USP3: variants seen among roughly 807,000 people sequenced by gnomAD.
USP3 encodes the protein ubiquitin specific peptidase 3.
In USP3, 20 loss-of-function variants were observed where a neutral mutation model predicts 72.3. That is an observed-to-expected ratio of 0.28 (90% CI 0.19 to 0.40). The LOEUF (loss-of-function observed/expected upper bound fraction) is 0.40. Among genes scored for constraint, USP3 ranks in the 10% least tolerant of loss-of-function variants. The pLI, the probability that USP3 is intolerant of heterozygous loss-of-function variation, is 1.00. For synonymous variants in USP3, 222 were observed against 225.3 expected, an observed-to-expected ratio of 0.99 and a Z score of 0.13; for missense variants, 479 against 633.9, an observed-to-expected ratio of 0.76 and a Z score of 2.62.
Position 63,512,606 on chromosome 15 carries a change from G to A in USP3, c.91+7776G>A, listed in dbSNP as rs566564124. Among the ~76,000 whole-genome samples, 102 of 151,960 alleles carry A rather than the reference G, an allele frequency of 6.7e-4. 1 individual carries two copies. The highest frequency in any genetic ancestry group is 2.4e-3 in the African/African-American group (99 of 41,422). ...ATTACAGGCAGCCACCACCATGCCT[G>A]GCTAATTTTTGTGTTTTTAGTAGAG... On this transcript the variant is annotated intron_variant, in intron 1 of 14. Coordinates refer to ENST00000380324, the MANE Select transcript of USP3 (RefSeq NM_006537.4).
chr15:63,532,654 G>C lies in USP3; in HGVS notation c.99G>C (p.Arg33=), dbSNP rs148908419. The C allele has an allele frequency of 6.8e-6, 11 of 1,613,804 alleles. No homozygotes were observed. The highest frequency in any genetic ancestry group is 8.5e-6 in the Non-Finnish European group (10 of 1,179,918). ...SPSSWCCSVC[R]SNKSPWVCLT... is the part of the protein sequence containing the mutation. ...TATTTTTCTTTTTATTAGTGTGCCGGTCCAACAAAAGCCCTTGGGTCTGTT... is the reference window on the plus strand; with the variant it reads ...TATTTTTCTTTTTATTAGTGTGCCGCTCCAACAAAAGCCCTTGGGTCTGTT... The change falls in exon 2 of 15, where the codon CGG becomes CGC. Residue 33 remains arginine (R), a synonymous_variant. Transcript: ENST00000380324.
chr15:63,547,801 GCATA>G (rs1172741692), intron 3 of USP3, among the ~76,000 whole-genome samples: 8 of 17,876 alleles, frequency 4.5e-4, no homozygotes, highest in Admixed American at 1.9e-3. Context: ...AGAGAGAGAG[GCATA>G]GAGAGAGGCA....
intron 2 of USP3, among the ~76,000 whole-genome samples, chr15:63,534,695 C>T (rs941703830): frequency 1.8e-4 from 27 of 152,170 alleles, no homozygotes; most frequent in Middle Eastern, 3.4e-3. Context: ...ATTTAAACAT[C>T]TAGTACATTT....
intron 1 of USP3, among the ~76,000 whole-genome samples, chr15:63,509,535 G>C (rs2065755830): frequency 6.6e-6 from 1 of 152,170 alleles, no homozygotes; most frequent in African/African-American, 2.4e-5. Context: ...GGACAATTTA[G>C]TTGTAAATGT....
chr15:63,530,837 C>T (rs1216377533), intron 1 of USP3, among the ~76,000 whole-genome samples: 1 of 152,142 alleles, frequency 6.6e-6, no homozygotes, highest in Non-Finnish European at 1.5e-5. Flanking sequence ...TAGGGGAGTA[C>T]AAATAAAAAG....
At chr15:63,510,711 C>T (rs1390218274) in intron 1 of USP3, among the ~76,000 whole-genome samples, 1 of 152,024 alleles carries the variant, frequency 6.6e-6, no homozygotes, top group Non-Finnish European at 1.5e-5. Flanking sequence ...ATTAAGCTTA[C>T]CTTGATTGAC....
chr15:63,533,298 A>G (rs1351996919), intron 2 of USP3, among the ~76,000 whole-genome samples: 1 of 152,148 alleles, frequency 6.6e-6, no homozygotes, highest in East Asian at 1.9e-4. Flanking sequence ...AAGATATACC[A>G]AATGTTTCAT....
intron 2 of USP3, chr15:63,533,752 A>G: frequency 1.2e-6 from 1 of 816,920 alleles, no homozygotes. Flanking sequence ...ACCTTTGGAA[A>G]ATGTTAACTG....
At chr15:63,536,842 A>C (rs1415875896) in intron 2 of USP3, among the ~76,000 whole-genome samples, 183 bp from the exon 3 acceptor site, 1 of 152,088 alleles carries the variant, frequency 6.6e-6, no homozygotes, top group African/African-American at 2.4e-5. Context: ...CAACAGAGCG[A>C]GACTCCGTCT....
At chr15:63,522,877 G>T (rs1233122318) in intron 1 of USP3, among the ~76,000 whole-genome samples, 1 of 152,202 alleles carries the variant, frequency 6.6e-6, no homozygotes, top group Admixed American at 6.5e-5. Flanking sequence ...TGGTTGATGA[G>T]ATTAGTGAAC....
intron 1 of USP3, among the ~76,000 whole-genome samples, chr15:63,514,424 T>C (rs919301356): frequency 2.0e-5 from 3 of 152,224 alleles, no homozygotes; most frequent in South Asian, 2.1e-4. Context: ...TTCTGAAATA[T>C]TGATTATCTA....
rs529704767 is a variant in USP3, at chr15:63,588,696, C to G, written c.1216-6C>G. On this transcript the variant is annotated splice_polypyrimidine_tract_variant and splice_region_variant and intron_variant, in intron 12 of 14. Coordinates refer to ENST00000380324, the MANE Select transcript of USP3 (RefSeq NM_006537.4). The surrounding 1 kb of genome is among the most constrained non-coding windows in gnomAD (Gnocchi z 4.6). The stretch of plus-strand genomic sequence containing the variant: ...CACAATCTTTGACCGCATCTCTGTC[C>G]TCCAGGTGCTATGCTTACATTTGAA... 6.2e-7 allele frequency: 1 copy of G among 1,601,592 alleles called. No individual in the cohort carries two copies. The highest frequency in any genetic ancestry group is 1.7e-5 in the Admixed American group (1 of 59,700).
At chr15:63,571,011 T>G (rs548599183) in intron 9 of USP3, among the ~76,000 whole-genome samples, 2 of 152,190 alleles carry the variant, frequency 1.3e-5, no homozygotes, top group Non-Finnish European at 2.9e-5. Flanking sequence ...TTCCTAAAGT[T>G]TATCTGTTCT....
Position 63,553,665 on chromosome 15 carries a change from T to C in USP3, c.285-50T>C. 6.4e-6 allele frequency: 10 copies of C among 1,556,008 alleles called. No individual in the cohort carries two copies. The highest frequency in any genetic ancestry group is 8.8e-6 in the Non-Finnish European group (10 of 1,142,484). ...CCAGACCTTTTAGTGATTTCATTAC[T>C]GTGGTTTCCTCAAGCTCTTTACACA... On this transcript the variant is annotated intron_variant, in intron 3 of 14. Transcript: ENST00000380324. This position sits in a 1 kb window ranked among gnomAD's most constrained non-coding sequence, Gnocchi z 4.2.
intron 1 of USP3, among the ~76,000 whole-genome samples, chr15:63,505,458 G>C (rs1061848): frequency 6.6e-6 from 1 of 152,232 alleles, no homozygotes; most frequent in Non-Finnish European, 1.5e-5. Flanking sequence ...GGTGAAGTTT[G>C]AAAACAGGCT....
chr15:63,533,000 A>G (rs2066100371), intron 2 of USP3, among the ~76,000 whole-genome samples: 1 of 152,208 alleles, frequency 6.6e-6, no homozygotes, highest in Non-Finnish European at 1.5e-5. Context: ...CTTGAAGTAC[A>G]AATTTACCTA....
At chr15:63,530,849 C>T (rs1019042909) in intron 1 of USP3, among the ~76,000 whole-genome samples, 2 of 152,148 alleles carry the variant, frequency 1.3e-5, no homozygotes, top group African/African-American at 2.4e-5. Flanking sequence ...AATAAAAAGC[C>T]AGCAGTCTCC....
intron 3 of USP3, among the ~76,000 whole-genome samples, chr15:63,545,215 T>C (rs2066302598): frequency 6.6e-6 from 1 of 152,208 alleles, no homozygotes; most frequent in South Asian, 2.1e-4. Flanking sequence ...AATTATATAA[T>C]AGAAATAAGT....
intron 1 of USP3, among the ~76,000 whole-genome samples, chr15:63,513,472 C>A (rs746632488): frequency 1.3e-5 from 2 of 152,126 alleles, no homozygotes; most frequent in Non-Finnish European, 2.9e-5. Flanking sequence ...CTGGAACTCG[C>A]GGGCTTAAGT....
Sources: gnomAD v4.1 joint callset for allele counts (sites outside exome capture counted in the v4.1 genomes callset) on GRCh38, gnomAD v4.1.1 for gene constraint, Gnocchi (gnomAD v3.1) non-coding constraint, MANE v1.5 for transcripts, NCBI Gene and HGNC (gene_info 2026-07-23, HGNC 2026-07-21) for gene names.